SCARF2: variants seen among roughly 807,000 people sequenced by gnomAD.
SCARF2 encodes scavenger receptor expressed by endothelial cells 2 protein.
A neutral mutation model predicts 73.4 loss-of-function variants in SCARF2; 39 were observed. The ratio of observed to expected loss-of-function variants is 0.53; its 90% confidence interval spans 0.41 to 0.69. SCARF2 has a LOEUF of 0.69. Among genes scored for constraint, SCARF2 ranks in the 30% least tolerant of loss-of-function variants. The pLI, the probability that SCARF2 is intolerant of heterozygous loss-of-function variation, is 0.00. For synonymous variants in SCARF2, 605 were observed against 590.0 expected, an observed-to-expected ratio of 1.03 and a Z score of -0.37; for missense variants, 1,148 against 1,303.5, an observed-to-expected ratio of 0.88 and a Z score of 1.84.
Position 20,425,966 on chromosome 22 carries a change from GCCGTGGATCCAGGACACCTTAGGCTT to G in SCARF2, c.1984_2009del (p.Lys662GlnfsTer103). 1.3e-6 allele frequency: 2 copies of G among 1,594,646 alleles called. No individual in the cohort carries two copies. The highest frequency in any genetic ancestry group is 1.7e-6 in the Non-Finnish European group (2 of 1,174,980). On this transcript the variant is annotated frameshift_variant, in exon 11 of 11. Transcript: ENST00000622235. LOFTEE classifies it low-confidence loss of function (END_TRUNC). The surrounding 1 kb of genome is among the most constrained non-coding windows in gnomAD (Gnocchi z 4.6). Reference sequence around the variant, plus strand: ...GGCCAGCTGCAGCGGCGCTGTGCTTGCCGTGGATCCAGGACACCTTAGGCTTGGTGGCGGGGTCAGGTGGCGGCGGT... The same window carrying G: ...GGCCAGCTGCAGCGGCGCTGTGCTTGGGTGGCGGGGTCAGGTGGCGGCGGT...
Position 20,429,544 on chromosome 22 carries a change from A to T in SCARF2, c.1416T>A (p.Pro472=), listed in dbSNP as rs757078766. ...GCCCACRGKD[P]TRRELSLGRK... Reference sequence around the variant, plus strand: ...GCAGTATCTGGGCTCACCGGCGCGTAGGGTCCTTGCCGCGGCAAGCGCAGC... The same window carrying T: ...GCAGTATCTGGGCTCACCGGCGCGTTGGGTCCTTGCCGCGGCAAGCGCAGC... The change falls in exon 8 of 11, where the codon CCT becomes CCA. Residue 472 remains proline, a synonymous_variant. Transcript: ENST00000622235. The surrounding 1 kb of genome is among the most constrained non-coding windows in gnomAD (Gnocchi z 5.2). 6.2e-7 allele frequency: 1 copy of T among 1,612,856 alleles called. No individual in the cohort carries two copies. Among genetic ancestry groups the T allele is most frequent in the Non-Finnish European group, 8.5e-7 (1 of 1,179,722 alleles).
At chr22:20,437,137 T>C (rs2052709150) in intron 1 of SCARF2, among the ~76,000 whole-genome samples, 1 of 151,980 alleles carries the variant, frequency 6.6e-6, no homozygotes, top group Non-Finnish European at 1.5e-5. Flanking sequence ...CTCCAGGACC[T>C]CCCCGGCTAG....
At position 20,437,586 on chromosome 22, in the gene SCARF2, G is replaced by C; in HGVS notation, c.169C>G (p.Pro57Ala). 1.3e-6 allele frequency: 2 copies of C among 1,574,958 alleles called. No homozygotes were observed. The highest frequency in any genetic ancestry group is 1.7e-6 in the Non-Finnish European group (2 of 1,168,054). ...CCCAGCCAGGCCGGCTCCTACCCGG[G>C]AGCACGGCACACGTTGCGGCCGCGA... Reference protein sequence around the residue: ...NPRGRNVCRAPGSQVPTCCAG... With the variant: ...NPRGRNVCRAAGSQVPTCCAG... Residue 57 changes from proline to alanine, a missense_variant, in exon 1 of 11, where the codon CCC (proline) becomes GCC (alanine). Pro to Ala is a conservative substitution (Grantham distance 27). Transcript: ENST00000622235.
chr22:20,428,657 C>T (rs1010123321), intron 9 of SCARF2, among the ~76,000 whole-genome samples: 4 of 152,154 alleles, frequency 2.6e-5, no homozygotes, highest in Admixed American at 6.5e-5. Context: ...TCTGAGCCCC[C>T]TTCCCCTCCA....
chr22:20,427,650 C>G, intron 9 of SCARF2, 100 bp from the exon 10 acceptor site: 1 of 1,414,958 alleles, frequency 7.1e-7, no homozygotes, highest in East Asian at 2.3e-5. Context: ...TGACCAAGAC[C>G]AGCCCTATTC....
At chr22:20,436,059 C>T (rs890999163) in intron 1 of SCARF2, among the ~76,000 whole-genome samples, 1 of 152,256 alleles carries the variant, frequency 6.6e-6, no homozygotes, top group Admixed American at 6.5e-5. Context: ...CAGCGATCTC[C>T]ACTTAGCCCC....
intron 10 of SCARF2, 121 bp from the exon 11 acceptor site, chr22:20,426,403 C>A: frequency 9.1e-7 from 1 of 1,097,764 alleles, no homozygotes; most frequent in South Asian, 1.6e-5. Context: ...GTCACCCTGG[C>A]ATCTAGACGT....
In SCARF2 at chr22:20,431,448, T is replaced by A; in HGVS notation, c.424A>T (p.Thr142Ser). The change falls in exon 4 of 11, where the codon ACT (threonine) becomes TCT (serine). Residue 142 changes from threonine (T) to serine (S), a missense_variant. Physicochemically the swap from Thr to Ser is moderately conservative, Grantham distance 58. Coordinates refer to ENST00000622235, the MANE Select transcript of SCARF2 (RefSeq NM_182895.5). Reference sequence around the variant, plus strand: ...GCGCCCCAGCGCCGCGCGTGACAAGTACACTGGCCTGTCACGTCCTCGCAC... The same window carrying A: ...GCGCCCCAGCGCCGCGCGTGACAAGAACACTGGCCTGTCACGTCCTCGCAC... ...GQCEDVTGQC[T>S]CHARRWGARC... is the part of the protein sequence containing the mutation. 6.4e-7 allele frequency: 1 copy of A among 1,556,406 alleles called. No individual in the cohort carries two copies. The highest frequency in any genetic ancestry group is 1.8e-5 in the Admixed American group (1 of 54,056).
chr22:20,427,595 A>G (rs1569106742), intron 9 of SCARF2, 45 bp from the exon 10 acceptor site: 1 of 1,607,120 alleles, frequency 6.2e-7, no homozygotes, highest in Non-Finnish European at 8.5e-7. Context: ...ACTCTGCCCC[A>G]GCCGGTGCCC....
chr22:20,431,120 C>A lies in SCARF2; in HGVS notation c.752G>T (p.Cys251Phe). 6.4e-7 allele frequency: 1 copy of A among 1,561,834 alleles called. No homozygotes were observed. The highest frequency in any genetic ancestry group is 8.6e-7 in the Non-Finnish European group (1 of 1,162,112). ...DRYCQCFRGR[C>F]HPVDGTCACE... ...GGCACACGTGCCGTCCACAGGGTGG[C>A]AGCGGCCGCGGAAGCACTGGCAGTA... Residue 251 changes from cysteine to phenylalanine, a missense_variant, in exon 4 of 11, where the codon TGC (cysteine) becomes TTC (phenylalanine). Physicochemically the swap from Cys to Phe is radical, Grantham distance 205. Coordinates refer to ENST00000622235, the MANE Select transcript of SCARF2 (RefSeq NM_182895.5).
intron 1 of SCARF2, among the ~76,000 whole-genome samples, chr22:20,437,299 T>C (rs900883573): frequency 9.2e-5 from 14 of 152,230 alleles, no homozygotes; most frequent in African/African-American, 3.4e-4. Flanking sequence ...GGGTCCCTTT[T>C]TCCAGGTCTT....
Position 20,429,310 on chromosome 22 carries a change from C to G in SCARF2, c.1455G>C (p.Pro485=). Residue 485 remains proline, a synonymous_variant, in exon 9 of 11, where the codon CCG becomes CCC. Transcript: ENST00000622235. The surrounding 1 kb of genome is among the most constrained non-coding windows in gnomAD (Gnocchi z 5.2). ...RELSLGRKKA[P]HRLCGRFSRI... Reference sequence around the variant, plus strand: ...GACTGAAGCGCCCGCATAGTCGGTGCGGCGCCTTCTTCCTCCCAAGCGAAA... The same window carrying G: ...GACTGAAGCGCCCGCATAGTCGGTGGGGCGCCTTCTTCCTCCCAAGCGAAA... 2 of 1,496,690 alleles carry G rather than the reference C, an allele frequency of 1.3e-6. No individual in the cohort carries two copies. The highest frequency in any genetic ancestry group is 1.8e-6 in the Non-Finnish European group (2 of 1,107,934). The allele number at this position is 1,496,690 out of a possible 1,614,324, so 92.7% of individuals were successfully genotyped here.
chr22:20,426,203 G>C lies in SCARF2; in HGVS notation c.1773C>G (p.Thr591=). 6.6e-7 allele frequency: 1 copy of C among 1,524,178 alleles called. No homozygotes were observed. The highest frequency in any genetic ancestry group is 8.8e-7 in the Non-Finnish European group (1 of 1,141,922). The allele number at this position is 1,524,178 out of a possible 1,614,324, so 94.4% of individuals were successfully genotyped here. The part of the protein sequence containing the change: ...EAPAPSPVPL[T]TPASAEEAIP... ...TCGCCTCCTCGGCGGAGGCTGGCGT[G>C]GTCAAGGGCACAGGGGACGGCGCCG... The change falls in exon 11 of 11, where the codon ACC becomes ACG. Residue 591 remains threonine, a synonymous_variant. Transcript: ENST00000622235.
At chr22:20,427,305 G>T in intron 10 of SCARF2, 93 bp downstream of exon 10, 1 of 1,486,430 alleles carries the variant, frequency 6.7e-7, no homozygotes, top group Non-Finnish European at 9.3e-7. Context: ...TCTCCATGCT[G>T]CCTGCCCTTC....
In SCARF2 at chr22:20,430,709, C is replaced by T. The variant is rs1345977301; in HGVS notation, c.1054G>A (p.Ala352Thr). The T allele has an allele frequency of 6.2e-7, 1 of 1,603,350 alleles. No individual in the cohort carries two copies. Among genetic ancestry groups the T allele is most frequent in the East Asian group, 2.3e-5 (1 of 44,276 alleles). ...GCTCACCGGTCGCCGATCCAGCCCG[C>T]GTTGCAGCGCGTACACTTGCCGGTG... ...HVTGKCTRCN[A>T]GWIGDRCETK... The change falls in exon 5 of 11, where the codon GCG becomes ACG. Residue 352 changes from alanine to threonine, a missense_variant. By Grantham distance (58) the Ala-to-Thr change is moderately conservative (BLOSUM62 0). Coordinates refer to ENST00000622235, the MANE Select transcript of SCARF2 (RefSeq NM_182895.5).
Position 20,429,430 on chromosome 22 carries a change from G to A in SCARF2, c.1425-90C>T. On this transcript the variant is annotated intron_variant, in intron 8 of 10. Coordinates refer to ENST00000622235, the MANE Select transcript of SCARF2 (RefSeq NM_182895.5). The surrounding 1 kb of genome is among the most constrained non-coding windows in gnomAD (Gnocchi z 5.2). The stretch of plus-strand genomic sequence containing the variant: ...GGCCGGAGCCAAGCACAGAAGGGGC[G>A]GGGCCACGTCCGGGGCAGGGGCGCG... 16 of 1,560,588 alleles carry A rather than the reference G, an allele frequency of 1.0e-5. No individual in the cohort carries two copies. Among genetic ancestry groups the A allele is most frequent in the Non-Finnish European group, 1.4e-5 (16 of 1,154,550 alleles).
chr22:20,429,398 AG>A lies in SCARF2; in HGVS notation c.1425-59del. On this transcript the variant is annotated intron_variant, in intron 8 of 10. Transcript: ENST00000622235. The surrounding 1 kb of genome is among the most constrained non-coding windows in gnomAD (Gnocchi z 5.2). Reference sequence around the variant, plus strand: ...GCCGGGGCGGGGCCCAGGGGCGATTAGATCTCGGCCGGAGCCAAGCACAGAA... The same window carrying A: ...GCCGGGGCGGGGCCCAGGGGCGATTAATCTCGGCCGGAGCCAAGCACAGAA... 1 of 1,557,632 alleles carries A rather than the reference AG, an allele frequency of 6.4e-7. No individual in the cohort carries two copies. Among genetic ancestry groups the A allele is most frequent in the Non-Finnish European group, 8.7e-7 (1 of 1,151,722 alleles).
In SCARF2 at chr22:20,425,645, C is replaced by T; in HGVS notation, c.2331G>A (p.Lys777=). The T allele has an allele frequency of 7.8e-7, 1 of 1,288,790 alleles. No individual in the cohort carries two copies. Among genetic ancestry groups the T allele is most frequent in the Non-Finnish European group, 9.8e-7 (1 of 1,020,240 alleles). 79.8% of individuals were successfully genotyped at this position (1,288,790 alleles called of 1,614,324 possible). ...ASMLAAELRG[K]TRSLGRAEVA... is the part of the protein sequence containing the mutation. The stretch of plus-strand genomic sequence containing the variant: ...CCTCGGCGCGGCCCAGGCTGCGAGT[C>T]TTGCCGCGCAGCTCAGCGGCCAACA... Residue 777 remains lysine, a synonymous_variant, in exon 11 of 11, where the codon AAG becomes AAA. Coordinates refer to ENST00000622235, the MANE Select transcript of SCARF2 (RefSeq NM_182895.5). This position sits in a 1 kb window ranked among gnomAD's most constrained non-coding sequence, Gnocchi z 4.6.
At chr22:20,431,603 A>C (rs2052648880) in intron 3 of SCARF2, 66 bp from the exon 4 acceptor site, 1 of 1,543,842 alleles carries the variant, frequency 6.5e-7, no homozygotes, top group Non-Finnish European at 8.7e-7. Context: ...AGCCAGCCGG[A>C]ACCTGCCCGC....
Sources: allele counts gnomAD v4.1 joint callset (sites outside exome capture counted in the v4.1 genomes callset), GRCh38; gene constraint gnomAD v4.1.1; non-coding constraint Gnocchi (gnomAD v3.1); transcripts MANE v1.5; gene names NCBI Gene and HGNC (gene_info 2026-07-23, HGNC 2026-07-21).